ZRANB3: variants seen among roughly 807,000 people sequenced by gnomAD.
ZRANB3 encodes zinc finger RANBP2-type containing 3.
Under a neutral mutation model 133.8 loss-of-function variants are expected in ZRANB3, and 125 were observed. That is an observed-to-expected ratio of 0.93 (90% CI 0.81 to 1.08). The LOEUF (loss-of-function observed/expected upper bound fraction) is 1.08, where lower values mean the gene tolerates loss of function less well. Ranked by LOEUF, ZRANB3 falls within the 50% of genes least tolerant of loss-of-function variation. The pLI, the probability that ZRANB3 is intolerant of heterozygous loss-of-function variation, is 0.00. For synonymous variants in ZRANB3, 387 were observed against 432.7 expected (o/e 0.89, Z 1.31); for missense variants, 1,229 against 1,275.5 (o/e 0.96, Z 0.56).
intron 12 of ZRANB3, among the ~76,000 whole-genome samples, chr2:135,255,756 G>T (rs1679620758): frequency 6.6e-6 from 1 of 151,888 alleles, no homozygotes; most frequent in Non-Finnish European, 1.5e-5. Context: ...CTGAGGCAGG[G>T]GGATCACTGG....
At chr2:135,526,775 C>G (rs1328062469) in intron 1 of ZRANB3, among the ~76,000 whole-genome samples, 4 of 152,126 alleles carry the variant, frequency 2.6e-5, no homozygotes, top group Admixed American at 6.5e-5. Flanking sequence ...GAGCCAGATA[C>G]CCTTTTAAGT....
At chr2:135,313,968 G>A (rs1290665462) in intron 7 of ZRANB3, among the ~76,000 whole-genome samples, 3 of 152,064 alleles carry the variant, frequency 2.0e-5, no homozygotes, top group Non-Finnish European at 4.4e-5. Context: ...GGGTTCAAGC[G>A]ATTCGCCTGC....
At chr2:135,472,140 A>G (rs894897321) in intron 2 of ZRANB3, among the ~76,000 whole-genome samples, 1 of 152,230 alleles carries the variant, frequency 6.6e-6, no homozygotes, top group East Asian at 1.9e-4. Flanking sequence ...ACTGTCATAG[A>G]TAACCTCATA....
chr2:135,372,946 G>A (rs1203272053), intron 3 of ZRANB3, among the ~76,000 whole-genome samples: 1 of 151,842 alleles, frequency 6.6e-6, no homozygotes, highest in East Asian at 1.9e-4. Flanking sequence ...GCCTGATGTG[G>A]TGACATACAC....
intron 3 of ZRANB3, among the ~76,000 whole-genome samples, chr2:135,360,634 A>G (rs922016188): frequency 1.3e-5 from 2 of 151,810 alleles, no homozygotes; most frequent in Non-Finnish European, 2.9e-5. Context: ...GAACCCGGGA[A>G]GCGGAGCTTG....
At chr2:135,255,665 A>G (rs1028405240) in intron 12 of ZRANB3, among the ~76,000 whole-genome samples, 1 of 152,142 alleles carries the variant, frequency 6.6e-6, no homozygotes, top group African/African-American at 2.4e-5. Flanking sequence ...CCTGAGCAAC[A>G]TAAGGAGACC....
chr2:135,339,075 G>A (rs536213865), intron 6 of ZRANB3, among the ~76,000 whole-genome samples: 18 of 152,010 alleles, frequency 1.2e-4, no homozygotes, highest in African/African-American at 4.3e-4. Flanking sequence ...CAGAGTTCCA[G>A]ACAAGGCTGG....
At chr2:135,287,267 CAT>C (rs1384167956) in intron 8 of ZRANB3, among the ~76,000 whole-genome samples, 1 of 152,120 alleles carries the variant, frequency 6.6e-6, no homozygotes, top group East Asian at 1.9e-4. Context: ...TATTCTGTAC[CAT>C]TAGTCTATGT....
chr2:135,421,604 A>C (rs950390778), intron 2 of ZRANB3, among the ~76,000 whole-genome samples: 1 of 152,010 alleles, frequency 6.6e-6, no homozygotes, highest in African/African-American at 2.4e-5. Flanking sequence ...AACATATTCC[A>C]CAGCTCCTGC....
intron 8 of ZRANB3, among the ~76,000 whole-genome samples, chr2:135,284,468 T>TTTTG (rs769669690): frequency 1.2e-4 from 18 of 152,164 alleles, no homozygotes; most frequent in Non-Finnish European, 2.2e-4. Flanking sequence ...TCCTTGTTTG[T>TTTTG]TTTGTTTGTT....
chr2:135,317,392 G>A (rs1388899085), intron 6 of ZRANB3, among the ~76,000 whole-genome samples: 1 of 152,158 alleles, frequency 6.6e-6, no homozygotes, highest in Non-Finnish European at 1.5e-5. Flanking sequence ...GAAGAAGTTG[G>A]TAGGTGGTGG....
chr2:135,349,569 A>C (rs1685097619), intron 5 of ZRANB3, among the ~76,000 whole-genome samples: 1 of 152,210 alleles, frequency 6.6e-6, no homozygotes, highest in Non-Finnish European at 1.5e-5. Context: ...GTGACTCTTA[A>C]AGTGAAAGAA....
rs770036386 is a variant in ZRANB3, at chr2:135,219,186, T to C, written c.2251-8A>G. The C allele has an allele frequency of 2.0e-5, 30 of 1,489,818 alleles. No individual in the cohort carries two copies. The highest frequency in any genetic ancestry group is 3.4e-4 in the Middle Eastern group (2 of 5,850). 92.3% of individuals were successfully genotyped at this position (1,489,818 alleles called of 1,614,324 possible). ...GCTCATCTGTTTTCCATCCTGATGATAGATTAGGAAGACACTAATAATCCA... is the reference window on the plus strand; with the variant it reads ...GCTCATCTGTTTTCCATCCTGATGACAGATTAGGAAGACACTAATAATCCA... On this transcript the variant is annotated splice_polypyrimidine_tract_variant and splice_region_variant and intron_variant, in intron 15 of 20. Transcript: ENST00000264159.
intron 2 of ZRANB3, among the ~76,000 whole-genome samples, chr2:135,497,510 T>A (rs1463227476): frequency 6.6e-6 from 1 of 152,158 alleles, no homozygotes; most frequent in Non-Finnish European, 1.5e-5. Context: ...ATTCAATCAT[T>A]AGTTGCACTA....
rs2104962865 is a variant in ZRANB3 at position 135,416,918 on chromosome 2, G to T, written c.162-26098C>A. On this transcript the variant is annotated intron_variant, in intron 2 of 20. Coordinates refer to ENST00000264159, the MANE Select transcript of ZRANB3 (RefSeq NM_032143.4). ...ACTGGCTAGCCATATGTAAAAAGCT[G>T]AAACTGGATCCCTTCCTTACACCTT... 1.3e-5 allele frequency among the ~76,000 whole-genome samples: 2 copies of T among 152,294 alleles called. 1 individual carries two copies. The highest frequency in any genetic ancestry group is 2.9e-5 in the Non-Finnish European group (2 of 68,028).
At chr2:135,301,493 A>AT (rs1323537402) in intron 8 of ZRANB3, among the ~76,000 whole-genome samples, 1 of 151,742 alleles carries the variant, frequency 6.6e-6, no homozygotes, top group Admixed American at 6.6e-5. Flanking sequence ...GCTATGTTTA[A>AT]TTTTTTGTAG....
intron 5 of ZRANB3, 91 bp from the exon 6 acceptor site, chr2:135,345,726 G>C: frequency 1.1e-6 from 1 of 910,440 alleles, no homozygotes; most frequent in Non-Finnish European, 1.7e-6. Context: ...ATAGTAGGAA[G>C]TATAAAAGAA....
chr2:135,345,729 T>C (rs919440816), intron 5 of ZRANB3, 94 bp from the exon 6 acceptor site: 5 of 871,054 alleles, frequency 5.7e-6, no homozygotes, highest in East Asian at 5.4e-5. Flanking sequence ...GTAGGAAGTA[T>C]AAAAGAAAAT....
intron 2 of ZRANB3, among the ~76,000 whole-genome samples, chr2:135,474,603 C>G (rs1420053209): frequency 3.3e-5 from 5 of 152,138 alleles, no homozygotes; most frequent in Admixed American, 2.0e-4. Context: ...TGAGTAAAAG[C>G]TTTGTGAGGT....
Sources: allele counts gnomAD v4.1 joint callset (sites outside exome capture counted in the v4.1 genomes callset), GRCh38; gene constraint gnomAD v4.1.1; transcripts MANE v1.5; gene names NCBI Gene and HGNC (gene_info 2026-07-23, HGNC 2026-07-21).